E2F8: variants seen among roughly 807,000 people sequenced by gnomAD.
E2F8 encodes the protein transcription factor E2F8.
A neutral mutation model predicts 80.8 loss-of-function variants in E2F8; 35 were observed. The ratio of observed to expected loss-of-function variants is 0.43; its 90% CI spans 0.33 to 0.57. The LOEUF (loss-of-function observed/expected upper bound fraction) is 0.57, where lower values mean the gene tolerates loss of function less well. Among genes scored for constraint, E2F8 ranks in the 20% least tolerant of loss-of-function variants. The pLI is 0.04. For missense variants in E2F8, 975 were observed against 1,056.2 expected (o/e 0.92, Z 1.07); for synonymous variants, 386 against 395.0 (o/e 0.98, Z 0.27).
In E2F8 at chr11:19,224,497, GTATATA is replaced by G; in HGVS notation, c.*155_*160del. 1 of 399,176 alleles carries G rather than the reference GTATATA, an allele frequency of 2.5e-6. No individual in the cohort carries two copies. The highest frequency in any genetic ancestry group is 4.6e-6 in the Non-Finnish European group (1 of 218,202). 24.7% of individuals were successfully genotyped at this position (399,176 alleles called of 1,614,324 possible). On this transcript the variant is annotated 3_prime_UTR_variant, in exon 13 of 13. Transcript: ENST00000250024. ...TGTGTGTGTGTGTGTGTGTGTGTGT[GTATATA>G]TATATATGTATGAAAACAACTATCT...
At position 19,232,254 on chromosome 11, in the gene E2F8, T is replaced by C. The variant is rs1851401867; in HGVS notation, c.1046A>G (p.Glu349Gly). The change falls in exon 7 of 13, where the codon GAA (glutamate) becomes GGA (glycine). Residue 349 changes from glutamate to glycine, a missense_variant. Physicochemically the swap from Glu to Gly is moderately conservative, Grantham distance 98. Coordinates refer to ENST00000250024, the MANE Select transcript of E2F8 (RefSeq NM_024680.4). ...RKPAFKWTGP[E>G]ISPNTSGSSP... ...CATACCACTGGTATTTGGACTGATT[T>C]CTGGGCCGGTCCATTTGAAAGCTGG... 1.2e-6 allele frequency: 2 copies of C among 1,614,048 alleles called. No homozygotes were observed. The highest frequency in any genetic ancestry group is 2.7e-5 in the African/African-American group (2 of 74,936).
chr11:19,224,920 T>A (rs1851189370), intron 12 of E2F8, 80 bp from the exon 13 acceptor site: 7 of 1,511,016 alleles, frequency 4.6e-6, no homozygotes, highest in Non-Finnish European at 6.3e-6. Flanking sequence ...AAGATTGGGC[T>A]GGATGAATGT....
intron 10 of E2F8, among the ~76,000 whole-genome samples, chr11:19,227,599 C>T (rs891962159): frequency 3.3e-5 from 5 of 152,262 alleles, no homozygotes; most frequent in African/African-American, 1.2e-4. Flanking sequence ...TTCTAGCCTA[C>T]AGTAGCCCTT....
At chr11:19,225,048 T>C in intron 12 of E2F8, 173 bp downstream of exon 12, 1 of 1,109,172 alleles carries the variant, frequency 9.0e-7, no homozygotes. Flanking sequence ...CCCAACAATA[T>C]GGATGCCTTG....
At chr11:19,224,990 A>G (rs1188629902) in intron 12 of E2F8, 150 bp from the exon 13 acceptor site, 6 of 1,148,796 alleles carry the variant, frequency 5.2e-6, no homozygotes, top group Non-Finnish European at 7.3e-6. Flanking sequence ...GGTGAGTTTT[A>G]CATTCTCAAT....
intron 6 of E2F8, among the ~76,000 whole-genome samples, 196 bp downstream of exon 6, chr11:19,234,164 A>AAG (rs1851452423): frequency 6.6e-6 from 1 of 151,618 alleles, no homozygotes; most frequent in Non-Finnish European, 1.5e-5. Context: ...AAAAAAAAAA[A>AAG]AAGAGTAGTG....
At position 19,229,576 on chromosome 11, in the gene E2F8, C is replaced by T. The variant is rs370092351; in HGVS notation, c.1771G>A (p.Ala591Thr). 6.2e-7 allele frequency: 1 copy of T among 1,614,212 alleles called. No individual in the cohort carries two copies. Among genetic ancestry groups the T allele is most frequent in the Non-Finnish European group, 8.5e-7 (1 of 1,180,046 alleles). The change falls in exon 10 of 13, where the codon GCA (alanine) becomes ACA (threonine). Residue 591 changes from alanine to threonine, a missense_variant. Transcript: ENST00000250024. The surrounding 1 kb of genome is among the most constrained non-coding windows in gnomAD (Gnocchi z 4.3). ...SLLPAPERQG[A>T]KSRTREPAGE... ...GCTGGCTCCCTGGTTCGGCTCTTTGCCCCTTGCCTCTCTGGTGCTGGCAGC... is the reference window on the plus strand; with the variant it reads ...GCTGGCTCCCTGGTTCGGCTCTTTGTCCCTTGCCTCTCTGGTGCTGGCAGC...
At chr11:19,240,327 C>T (rs1851625699) in intron 1 of E2F8, 97 bp from the exon 2 acceptor site, 2 of 356,488 alleles carry the variant, frequency 5.6e-6, no homozygotes, top group African/African-American at 2.1e-5. Context: ...GGAAACAAAG[C>T]CTAACGAAAA....
Position 19,225,509 on chromosome 11 carries a change from A to T in E2F8, c.2133T>A (p.Pro711=), listed in dbSNP as rs746249717. The change falls in exon 12 of 13, where the codon CCT becomes CCA. Residue 711 remains proline (P), a synonymous_variant. Transcript: ENST00000250024. Reference sequence around the variant, plus strand: ...AAGCGAGAGCCGGGCTGTTCCCGACAGGTACGGCTGCCACGGAAGTTGGTG... The same window carrying T: ...AAGCGAGAGCCGGGCTGTTCCCGACTGGTACGGCTGCCACGGAAGTTGGTG... ...MVSPTSVAAV[P]VGNSPALASS... The T allele has an allele frequency of 3.1e-6, 5 of 1,614,240 alleles. No individual in the cohort carries two copies. The highest frequency in any genetic ancestry group is 4.2e-6 in the Non-Finnish European group (5 of 1,180,040).
chr11:19,240,190 G>A lies in E2F8; in HGVS notation c.-69C>T. On this transcript the variant is annotated 5_prime_UTR_variant, in exon 2 of 13. Transcript: ENST00000250024. ...TGGAGTTCCTCCCCAAATCCCGATG[G>A]TTCAAGTAGTCCAATCAATTGTACT... 1.9e-6 allele frequency: 2 copies of A among 1,048,522 alleles called. No homozygotes were observed. The highest frequency in any genetic ancestry group is 2.7e-6 in the Non-Finnish European group (2 of 737,346). The allele number at this position is 1,048,522 out of a possible 1,614,324, so 65.0% of individuals were successfully genotyped here. A position where few individuals can be genotyped will look rare whatever the true frequency, so the allele number is the denominator to read the frequency against.
chr11:19,230,621 G>A lies in E2F8; in HGVS notation c.1270+10C>T, dbSNP rs1165880617. On this transcript the variant is annotated intron_variant, in intron 8 of 12. Coordinates refer to ENST00000250024, the MANE Select transcript of E2F8 (RefSeq NM_024680.4). ...TTCCTAGCAGATCCCTGACATTCCT[G>A]AAAACATACCTTTGTTGGTCTTGAT... 6.2e-7 allele frequency: 1 copy of A among 1,613,184 alleles called. No homozygotes were observed. Among genetic ancestry groups the A allele is most frequent in the Admixed American group, 1.7e-5 (1 of 59,950 alleles).
rs1490085901 is a variant in E2F8 at position 19,224,683 on chromosome 11, T to G, written c.2579A>C (p.Glu860Ala). 4.3e-6 allele frequency: 7 copies of G among 1,614,216 alleles called. No homozygotes were observed. The highest frequency in any genetic ancestry group is 5.9e-6 in the Non-Finnish European group (7 of 1,180,026). ...GTLFVPQRKLEVSTEDVH is the reference protein window; with the variant it reads ...GTLFVPQRKLAVSTEDVH ...TTAATGGACATCCTCTGTTGAGACT[T>G]CCAGTTTTCGCTGTGGGACAAAGAG... The change falls in exon 13 of 13, where the codon GAA becomes GCA. Residue 860 changes from glutamate to alanine, a missense_variant. By Grantham distance (107) the Glu-to-Ala change is moderately radical. Transcript: ENST00000250024.
chr11:19,229,282 T>C lies in E2F8; in HGVS notation c.1893+172A>G, dbSNP rs1851309054. Reference sequence around the variant, plus strand: ...CCAAAGGTTAAAAATGTCCCTGCCTTCATCCCAGCCAGGGGATTAGCTGTT... The same window carrying C: ...CCAAAGGTTAAAAATGTCCCTGCCTCCATCCCAGCCAGGGGATTAGCTGTT... On this transcript the variant is annotated intron_variant, in intron 10 of 12. Transcript: ENST00000250024. The surrounding 1 kb of genome is among the most constrained non-coding windows in gnomAD (Gnocchi z 4.3). Among the ~76,000 whole-genome samples the C allele has an allele frequency of 6.6e-6, 1 of 152,198 alleles. No individual in the cohort carries two copies. Among genetic ancestry groups the C allele is most frequent in the African/African-American group, 2.4e-5 (1 of 41,444 alleles).
upstream of E2F8, chr11:19,241,622 A>C (rs1851671024): frequency 6.6e-6 from 1 of 152,000 alleles, no homozygotes; most frequent in African/African-American, 2.4e-5. The surrounding 1 kb of genome is among the most constrained non-coding windows in gnomAD (Gnocchi z 4.5). Context: ...CCCCGATTTG[A>C]AATTAACCCG....
At chr11:19,232,994 A>G (rs1363839153) in intron 6 of E2F8, among the ~76,000 whole-genome samples, 2 of 152,190 alleles carry the variant, frequency 1.3e-5, no homozygotes, top group Non-Finnish European at 2.9e-5. Flanking sequence ...TCCTAGCCAT[A>G]TCAGAAGGTT....
At chr11:19,236,362 A>G (rs542489936) in intron 4 of E2F8, among the ~76,000 whole-genome samples, 1 of 152,298 alleles carries the variant, frequency 6.6e-6, no homozygotes, top group Non-Finnish European at 1.5e-5. Context: ...TCCACTATGC[A>G]TGTTACCTTC....
chr11:19,225,531 G>C lies in E2F8; in HGVS notation c.2111C>G (p.Pro704Arg). ...GACAGGTACGGCTGCCACGGAAGTT[G>C]GTGAGACCATTAGCTTCAACGGTGT... ...HVTPLKLMVS[P>R]TSVAAVPVGN... The change falls in exon 12 of 13, where the codon CCA becomes CGA. Residue 704 changes from proline to arginine, a missense_variant. Physicochemically the swap from Pro to Arg is moderately radical, Grantham distance 103. Coordinates refer to ENST00000250024, the MANE Select transcript of E2F8 (RefSeq NM_024680.4). 1 of 1,614,222 alleles carries C rather than the reference G, an allele frequency of 6.2e-7. No individual in the cohort carries two copies. The highest frequency in any genetic ancestry group is 1.1e-5 in the South Asian group (1 of 91,084).
In E2F8 at chr11:19,230,363, A is replaced by C. The variant is rs578119875; in HGVS notation, c.1271-35T>G. 24 of 1,592,382 alleles carry C rather than the reference A, an allele frequency of 1.5e-5. No individual in the cohort carries two copies. In the African/African-American group the frequency reaches 3.2e-4, roughly 22 times the overall value. On this transcript the variant is annotated intron_variant, in intron 8 of 12. Coordinates refer to ENST00000250024, the MANE Select transcript of E2F8 (RefSeq NM_024680.4). ...TAGAAAGGAAGAGAGCACCGGTCAAAGCTAAAGAACAAATGTTCACACAGA... is the reference window on the plus strand; with the variant it reads ...TAGAAAGGAAGAGAGCACCGGTCAACGCTAAAGAACAAATGTTCACACAGA...
intron 9 of E2F8, 94 bp downstream of exon 9, chr11:19,230,147 C>G: frequency 6.7e-7 from 1 of 1,492,570 alleles, no homozygotes; most frequent in South Asian, 1.3e-5. Flanking sequence ...CTCTCCAGTT[C>G]AAGGCTAGGG....
Sources: allele counts gnomAD v4.1 joint callset (sites outside exome capture counted in the v4.1 genomes callset), GRCh38; gene constraint gnomAD v4.1.1; non-coding constraint Gnocchi (gnomAD v3.1); transcripts MANE v1.5; gene names NCBI Gene and HGNC (gene_info 2026-07-23, HGNC 2026-07-21).